HLCS: variants seen among roughly 807,000 people sequenced by gnomAD.
HLCS encodes biotin--protein ligase.
Under a neutral mutation model 75.0 loss-of-function variants are expected in HLCS, and 53 were observed. The ratio of observed to expected loss-of-function variants is 0.71; its 90% confidence interval spans 0.57 to 0.89. The LOEUF is 0.89. Among genes scored for constraint, HLCS ranks in the 40% least tolerant of loss-of-function variants. The pLI is 0.00. For synonymous variants in HLCS, 431 were observed against 428.6 expected (o/e 1.01, Z -0.07); for missense variants, 966 against 1,074.0 (o/e 0.90, Z 1.41).
Position 36,937,483 on chromosome 21 carries a change from G to T in HLCS, c.494-91C>A, listed in dbSNP as rs1008581540. 18 of 1,145,960 alleles carry T rather than the reference G, an allele frequency of 1.6e-5. No individual in the cohort carries two copies. The African/African-American group carries it at 2.6e-4, about 17-fold the overall frequency. 71.0% of individuals were successfully genotyped at this position (1,145,960 alleles called of 1,614,324 possible). A position where few individuals can be genotyped will look rare whatever the true frequency, so the allele number is the denominator to read the frequency against. On this transcript the variant is annotated intron_variant, in intron 3 of 10. Coordinates refer to ENST00000674895, the MANE Select transcript of HLCS (RefSeq NM_001352514.2). Reference sequence around the variant, plus strand: ...TCTCAAGAATCTCATCACCCTCTCTGCATTCTGGGACTTACATTCCAGGAC... The same window carrying T: ...TCTCAAGAATCTCATCACCCTCTCTTCATTCTGGGACTTACATTCCAGGAC...
chr21:36,961,963 A>G, intron 2 of HLCS, 73 bp downstream of exon 2: 1 of 1,087,854 alleles, frequency 9.2e-7, no homozygotes, highest in Non-Finnish European at 1.2e-6. Context: ...CAGGAAAAAA[A>G]AAAAAAAAGC....
chr21:36,823,894 C>A (rs1423714564), intron 6 of HLCS, among the ~76,000 whole-genome samples: 4 of 152,036 alleles, frequency 2.6e-5, no homozygotes, highest in Admixed American at 2.6e-4. Flanking sequence ...AGCATCTAAC[C>A]CTATATATAG....
intron 6 of HLCS, among the ~76,000 whole-genome samples, chr21:36,875,057 C>A (rs777002115): frequency 2.6e-5 from 4 of 152,220 alleles, no homozygotes; most frequent in African/African-American, 4.8e-5. Context: ...CTTCAGCCCC[C>A]TCTAGACTTT....
chr21:36,861,442 T>C (rs535421779), intron 6 of HLCS, among the ~76,000 whole-genome samples: 1 of 152,224 alleles, frequency 6.6e-6, no homozygotes, highest in South Asian at 2.1e-4. Context: ...GTTTGTTTAA[T>C]ATAGGCAAAC....
chr21:36,801,691 C>T (rs2061205956), intron 6 of HLCS, among the ~76,000 whole-genome samples: 2 of 152,016 alleles, frequency 1.3e-5, no homozygotes, highest in Admixed American at 6.5e-5. Context: ...AAGGGATGCA[C>T]AAAAATTTAG....
At chr21:36,796,419 C>CAGACTAATAGATCAT (rs2061027006) in intron 6 of HLCS, among the ~76,000 whole-genome samples, 1 of 152,192 alleles carries the variant, frequency 6.6e-6, no homozygotes. Flanking sequence ...TCCAAATGAT[C>CAGACTAATAGATCAT]TATTAGTCTG....
At chr21:36,981,326 T>C (rs566266953) in intron 1 of HLCS, among the ~76,000 whole-genome samples, 132 of 152,196 alleles carry the variant, frequency 8.7e-4, no homozygotes, top group African/African-American at 3.0e-3. Flanking sequence ...TCTTTCCCCA[T>C]GTTACTCCTC....
chr21:36,978,132 C>G (rs374247941), intron 1 of HLCS, among the ~76,000 whole-genome samples: 1 of 152,332 alleles, frequency 6.6e-6, no homozygotes, highest in East Asian at 1.9e-4. Flanking sequence ...TATCTGCCAA[C>G]TGTGTTAGTT....
chr21:36,966,710 C>A, upstream of HLCS: 21 of 760,732 alleles, frequency 2.8e-5, no homozygotes, highest in Non-Finnish European at 3.0e-5. Flanking sequence ...CCCGCCCCGG[C>A]CGGAAGGGCC....
chr21:36,904,720 G>A (rs1569172010), intron 5 of HLCS, among the ~76,000 whole-genome samples: 2 of 152,088 alleles, frequency 1.3e-5, no homozygotes, highest in East Asian at 1.9e-4. Flanking sequence ...ATTACTATCT[G>A]TTTGATATAA....
chr21:36,756,896 T>C, intron 9 of HLCS, 141 bp from the exon 10 acceptor site: 3 of 1,524,556 alleles, frequency 2.0e-6, no homozygotes, highest in Admixed American at 2.0e-5. Flanking sequence ...CTCTAACCAC[T>C]TGAAGAGTGA....
At chr21:36,853,690 T>A (rs1156432203) in intron 6 of HLCS, among the ~76,000 whole-genome samples, 1 of 152,226 alleles carries the variant, frequency 6.6e-6, no homozygotes, top group Non-Finnish European at 1.5e-5. Flanking sequence ...ATAACTCTAA[T>A]AACCAGTAAC....
At chr21:36,808,116 T>C (rs1223895358) in intron 6 of HLCS, among the ~76,000 whole-genome samples, 3 of 151,986 alleles carry the variant, frequency 2.0e-5, no homozygotes. Context: ...GACATTTTGG[T>C]ATATTTTCTT....
chr21:36,967,017 A>T (rs2146695702), upstream of HLCS, among the ~76,000 whole-genome samples: 1 of 151,096 alleles, frequency 6.6e-6, no homozygotes, highest in African/African-American at 2.4e-5. Context: ...GAGGAGTGGG[A>T]TGGGTATGTT....
At chr21:36,876,053 G>A (rs1264553627) in intron 6 of HLCS, among the ~76,000 whole-genome samples, 1 of 152,120 alleles carries the variant, frequency 6.6e-6, no homozygotes, top group African/African-American at 2.4e-5. Context: ...GCCAGGGCAT[G>A]GAGCTGCCTG....
chr21:36,772,156 T>G (rs1284030395), intron 6 of HLCS, among the ~76,000 whole-genome samples: 1 of 152,176 alleles, frequency 6.6e-6, no homozygotes, highest in East Asian at 1.9e-4. Context: ...CTTTTAGAAT[T>G]TCTCTCTTTT....
At chr21:36,957,748 T>C (rs1369002831) in intron 2 of HLCS, among the ~76,000 whole-genome samples, 1 of 143,486 alleles carries the variant, frequency 7.0e-6, no homozygotes, top group Non-Finnish European at 1.5e-5. Flanking sequence ...ACTAACATGG[T>C]GAAACCCCGT....
At chr21:36,873,100 T>C (rs76264291) in intron 6 of HLCS, among the ~76,000 whole-genome samples, 8,245 of 152,146 alleles carry the variant, frequency 0.054, 405 homozygotes, top group East Asian at 0.24. Context: ...ATTACACTTA[T>C]TATACTGCTG....
intron 1 of HLCS, among the ~76,000 whole-genome samples, chr21:36,977,924 C>T (rs9636909): frequency 6.6e-6 from 1 of 151,996 alleles, no homozygotes; most frequent in South Asian, 2.1e-4. Flanking sequence ...AGAAGGGCAA[C>T]GCGCTTTCAC....
Sources: allele counts gnomAD v4.1 joint callset (sites outside exome capture counted in the v4.1 genomes callset), GRCh38; gene constraint gnomAD v4.1.1; transcripts MANE v1.5; gene names NCBI Gene and HGNC (gene_info 2026-07-23, HGNC 2026-07-21).